Variants in NALF2 observed in about 807,000 individuals in gnomAD.
The protein encoded by NALF2 is NALCN channel auxiliary factor 2, also known as bB57D9.1 (TED protein).
In NALF2, 1 loss-of-function variant was observed where a neutral mutation model predicts 24.8. The ratio of observed to expected loss-of-function variants is 0.04; its 90% CI spans 0.01 to 0.19. The LOEUF (loss-of-function observed/expected upper bound fraction) is 0.19, where lower values mean the gene tolerates loss of function less well. Among genes scored for constraint, NALF2 ranks in the 10% least tolerant of loss-of-function variants. The probability of loss-of-function intolerance (pLI) is 1.00; values close to 1 mark genes in which losing one functional copy is unlikely to be tolerated. For missense variants in NALF2, 458 were observed against 409.6 expected (o/e 1.12, Z -1.02); for synonymous variants, 254 against 189.8 (o/e 1.34, Z -2.78).
At chrX:69,514,770 C>T (rs768914458) in intron 1 of NALF2, among the ~76,000 whole-genome samples, 1 of 112,240 alleles carries the variant, frequency 8.9e-6, no homozygotes, top group African/African-American at 3.2e-5. Flanking sequence ...TCCTTGTCAA[C>T]ACTTGTTATT....
rs201151491 is a variant in NALF2 at position 69,505,943 on chromosome X, C to G, written c.661C>G (p.Leu221Val). The change falls in exon 1 of 3, where the codon CTG becomes GTG. Residue 221 changes from leucine (L) to valine (V), a missense_variant. Leu to Val is a conservative substitution (Grantham distance 32). Coordinates refer to ENST00000252338, the MANE Select transcript of NALF2 (RefSeq NM_015686.3). ...CCGCCCCGACAGCCTGGACTGTAGC[C>G]TGGACACCCTGATGGGGGACCTGCT... ...MDRPDSLDCSLDTLMGDLLAV... is the reference protein window; with the variant it reads ...MDRPDSLDCSVDTLMGDLLAV... The G allele has an allele frequency of 1.4e-5, 17 of 1,210,349 alleles. No individual in the cohort carries two copies. In the East Asian group the frequency reaches 4.7e-4, roughly 34 times the overall value.
At chrX:69,510,567 C>T (rs1930566804) in intron 1 of NALF2, among the ~76,000 whole-genome samples, 1 of 112,405 alleles carries the variant, frequency 8.9e-6, no homozygotes, top group Non-Finnish European at 1.9e-5. Flanking sequence ...CAGTGCCCCA[C>T]AGGCAGCCTC....
At position 69,505,552 on chromosome X, in the gene NALF2, G is replaced by A; in HGVS notation, c.270G>A (p.Pro90=). The A allele has an allele frequency of 1.0e-6, 1 of 960,393 alleles. No homozygotes were observed. The highest frequency in any genetic ancestry group is 1.3e-6 in the Non-Finnish European group (1 of 774,731). 79.1% of individuals were successfully genotyped at this position (960,393 alleles called of 1,213,427 possible). Residue 90 remains proline (P), a synonymous_variant, in exon 1 of 3, where the codon CCG becomes CCA. Transcript: ENST00000252338. ...GGGGGGCCGGCCGGGAGCGGCAGCC[G>A]GTGCCTCCTCGCGCGGTGCTGCCGC... The part of the protein sequence containing the change: ...PPWGAGRERQ[P]VPPRAVLPLP...
rs778456915 is a variant in NALF2, at chrX:69,529,605, C to A, written c.1068C>A (p.Thr356=). The A allele has an allele frequency of 1.7e-5, 20 of 1,208,430 alleles. No homozygotes were observed. In the Admixed American group the frequency reaches 2.0e-4, roughly 12 times the overall value. ...LLDTSPKRLE[T]KCCDVQWVSC... ...ATACTTCACCAAAGCGTCTGGAAACCAAGTGCTGTGACGTGCAGTGGGTCT... is the reference window on the plus strand; with the variant it reads ...ATACTTCACCAAAGCGTCTGGAAACAAAGTGCTGTGACGTGCAGTGGGTCT... The change falls in exon 3 of 3, where the codon ACC becomes ACA. Residue 356 remains threonine, a synonymous_variant. Transcript: ENST00000252338.
chrX:69,508,272 A>G (rs1432895027), intron 1 of NALF2, among the ~76,000 whole-genome samples: 1 of 111,622 alleles, frequency 9.0e-6, no homozygotes, highest in Admixed American at 9.5e-5. Flanking sequence ...GAGGCTGGTG[A>G]TACTAGCACC....
rs1307059851 is a variant in NALF2, at chrX:69,530,522, G to A, written c.*566G>A. On this transcript the variant is annotated 3_prime_UTR_variant, in exon 3 of 3. Transcript: ENST00000252338. ...CAGGCTGGGAGATGAGGTGCACACA[G>A]TTGCAGCTAGGTCGGGGCCCCAGTT... 1 of 113,824 alleles carries A rather than the reference G, an allele frequency of 8.8e-6. No homozygotes were observed. The highest frequency in any genetic ancestry group is 9.3e-5 in the Admixed American group (1 of 10,795). 9.4% of individuals were successfully genotyped at this position (113,824 alleles called of 1,213,427 possible).
In NALF2 at chrX:69,529,700, A is replaced by G. The variant is rs1327485222; in HGVS notation, c.1163A>G (p.His388Arg). The G allele has an allele frequency of 8.3e-7, 1 of 1,206,239 alleles. No homozygotes were observed. Among genetic ancestry groups the G allele is most frequent in the African/African-American group, 1.8e-5 (1 of 57,024 alleles). Residue 388 changes from histidine (H) to arginine (R), a missense_variant, in exon 3 of 3, where the codon CAC becomes CGC. By Grantham distance (29) the His-to-Arg change is conservative. Transcript: ENST00000252338. ...AAAACCCACCAGCAGCAATTCCACC[A>G]CTCCTATTTCCACCACTACCACCAA... ...APKTHQQQFH[H>R]SYFHHYHQQY...
intron 1 of NALF2, among the ~76,000 whole-genome samples, chrX:69,526,090 C>T (rs766242383): frequency 8.9e-6 from 1 of 111,998 alleles, no homozygotes; most frequent in Non-Finnish European, 1.9e-5. Flanking sequence ...GTCACTGGAG[C>T]GTTGTTCATA....
chrX:69,506,640 G>C (rs770929855), intron 1 of NALF2, among the ~76,000 whole-genome samples: 3 of 113,199 alleles, frequency 2.7e-5, no homozygotes, highest in African/African-American at 9.6e-5. Flanking sequence ...CACTCCTGGT[G>C]GTGGGGCACA....
chrX:69,525,026 C>G (rs1459179684), intron 1 of NALF2, among the ~76,000 whole-genome samples: 1 of 111,212 alleles, frequency 9.0e-6, no homozygotes, highest in Admixed American at 9.5e-5. Context: ...GTGGGGAGGT[C>G]GTCTAATTAA....
intron 1 of NALF2, among the ~76,000 whole-genome samples, chrX:69,506,712 G>T (rs1215054099): frequency 8.8e-6 from 1 of 113,100 alleles, no homozygotes; most frequent in Non-Finnish European, 1.9e-5. Flanking sequence ...GTCGAGCCCA[G>T]GGGCTGCCTG....
chrX:69,504,405 A>C lies in NALF2; in HGVS notation c.-878A>C, dbSNP rs1260534302. ...AAACACACTTGCACAGGGGCTCTCA[A>C]GGTGTTCTCCGCACAGCGGAAGATG... is the stretch of plus-strand genomic sequence containing the variant. On this transcript the variant is annotated 5_prime_UTR_variant, in exon 1 of 3. Transcript: ENST00000252338. Among the ~76,000 whole-genome samples, 1 of 113,154 alleles carries C rather than the reference A, an allele frequency of 8.8e-6. No individual in the cohort carries two copies. The highest frequency in any genetic ancestry group is 1.9e-5 in the Non-Finnish European group (1 of 53,245).
At chrX:69,512,662 C>G (rs1026457113) in intron 1 of NALF2, among the ~76,000 whole-genome samples, 8 of 112,077 alleles carry the variant, frequency 7.1e-5, no homozygotes, top group African/African-American at 2.6e-4. Context: ...CAGGCACTAT[C>G]ATGATTCCCA....
Position 69,505,671 on chromosome X carries a change from C to T in NALF2, c.389C>T (p.Ser130Phe), listed in dbSNP as rs1410755602. Residue 130 changes from serine (S) to phenylalanine (F), a missense_variant, in exon 1 of 3, where the codon TCT becomes TTT. By Grantham distance (155) the Ser-to-Phe change is radical (BLOSUM62 -2). Transcript: ENST00000252338. ...ACCAAAGCCGCCCCCGCCGCCGGCT[C>T]TCGGCCGGTCTGCGGCGGCGTCCCA... Reference protein sequence around the residue: ...NLTKAAPAAGSRPVCGGVPEP... With the variant: ...NLTKAAPAAGFRPVCGGVPEP... The T allele has an allele frequency of 8.3e-7, 1 of 1,205,066 alleles. No homozygotes were observed. The highest frequency in any genetic ancestry group is 1.8e-5 in the African/African-American group (1 of 56,957).
At position 69,529,442 on chromosome X, in the gene NALF2, G is replaced by A. The variant is rs756105291; in HGVS notation, c.1034-129G>A. On this transcript the variant is annotated intron_variant, in intron 2 of 2. Coordinates refer to ENST00000252338, the MANE Select transcript of NALF2 (RefSeq NM_015686.3). ...GAAGGGCTCAGAAAGGGCAAGTGTC[G>A]AGGGCTGTGGGGAGGGAGCCTTAGA... is the stretch of plus-strand genomic sequence containing the variant. 9 of 1,052,582 alleles carry A rather than the reference G, an allele frequency of 8.6e-6. No homozygotes were observed. In the South Asian group the frequency reaches 1.2e-4, roughly 14 times the overall value. 86.7% of individuals were successfully genotyped at this position (1,052,582 alleles called of 1,213,427 possible). A position where few individuals can be genotyped will look rare whatever the true frequency, so the allele number is the denominator to read the frequency against.
intron 1 of NALF2, among the ~76,000 whole-genome samples, chrX:69,510,226 C>T (rs1343235220): frequency 1.8e-5 from 2 of 112,279 alleles, no homozygotes; most frequent in Admixed American, 1.9e-4. Context: ...GCTCATTGAA[C>T]AGCAGCACTG....
At chrX:69,509,045 C>T (rs970494711) in intron 1 of NALF2, among the ~76,000 whole-genome samples, 1 of 112,334 alleles carries the variant, frequency 8.9e-6, no homozygotes, top group Admixed American at 9.4e-5. Context: ...ACACAGGGCC[C>T]CACGAATCAT....
intron 1 of NALF2, among the ~76,000 whole-genome samples, chrX:69,517,074 A>C (rs1159929920): frequency 1.8e-5 from 2 of 111,221 alleles, no homozygotes; most frequent in Non-Finnish European, 3.8e-5. Flanking sequence ...TGAAGGGACC[A>C]TCCCAAGGGC....
In NALF2 at chrX:69,513,931, A is replaced by AC. The variant is rs201608985; in HGVS notation, c.861+7790dup. Among the ~76,000 whole-genome samples the AC allele has an allele frequency of 3.0e-3, 339 of 111,703 alleles. 4 individuals carry two copies. The highest frequency in any genetic ancestry group is 0.029 in the Admixed American group (304 of 10,477). ...CTCCCAGCCGGGCGCGGTGGCTCAC[A>AC]CCTGTAATCCCAGCACTTTTGGAGG... On this transcript the variant is annotated intron_variant, in intron 1 of 2. Transcript: ENST00000252338.
Sources: gnomAD v4.1 joint callset for allele counts (sites outside exome capture counted in the v4.1 genomes callset) on GRCh38, gnomAD v4.1.1 for gene constraint, MANE v1.5 for transcripts, NCBI Gene and HGNC (gene_info 2026-07-23, HGNC 2026-07-21) for gene names.